The following SETD2 variants were observed in gnomAD, a reference collection of about 807,000 sequenced individuals.
SETD2 encodes histone-lysine N-methyltransferase SETD2.
A neutral mutation model predicts 242.1 loss-of-function variants in SETD2; 31 were observed. That is an observed-to-expected ratio of 0.13 (90% CI 0.10 to 0.17). SETD2 has a LOEUF of 0.17. Ranked by LOEUF, SETD2 falls within the 10% of genes least tolerant of loss-of-function variation. The pLI, the probability that SETD2 is intolerant of heterozygous loss-of-function variation, is 1.00. For missense variants in SETD2, 2,481 were observed against 3,046.3 expected, an observed-to-expected ratio of 0.81 and a Z score of 4.37; for synonymous variants, 1,006 against 1,066.5, an observed-to-expected ratio of 0.94 and a Z score of 1.11.
intron 17 of SETD2, among the ~76,000 whole-genome samples, chr3:47,039,908 G>C (rs992363556): frequency 5.3e-5 from 8 of 151,350 alleles, no homozygotes; most frequent in Non-Finnish European, 7.4e-5. Flanking sequence ...AAAAGTTCTG[G>C]TTAAACCACA....
chr3:47,054,562 A>ACAAAAC (rs1288520572), intron 15 of SETD2, among the ~76,000 whole-genome samples: 1 of 152,210 alleles, frequency 6.6e-6, no homozygotes. Flanking sequence ...TGACAGTAAA[A>ACAAAAC]CAAAACCAAA....
intron 12 of SETD2, among the ~76,000 whole-genome samples, chr3:47,067,483 C>T (rs1010336512): frequency 3.5e-5 from 5 of 142,194 alleles, no homozygotes; most frequent in African/African-American, 1.1e-4. Flanking sequence ...GGCATGATCT[C>T]GGCTCACTGC....
In SETD2 at chr3:47,038,646, T is replaced by A. The variant is rs376450301; in HGVS notation, c.7239-869A>T. ...ACAAACAAAAAAAAAAACAAAAACT[T>A]GTACCCTCTGCTAAAAATATTCCCG... is the stretch of plus-strand genomic sequence containing the variant. On this transcript the variant is annotated intron_variant, in intron 17 of 20. Transcript: ENST00000409792. 5.3e-5 allele frequency among the ~76,000 whole-genome samples: 8 copies of A among 151,896 alleles called. 1 individual carries two copies. Among genetic ancestry groups the A allele is most frequent in the Admixed American group, 5.3e-4 (8 of 15,224 alleles).
chr3:47,070,767 T>A (rs574825504), intron 12 of SETD2, among the ~76,000 whole-genome samples: 2 of 152,342 alleles, frequency 1.3e-5, no homozygotes, highest in Admixed American at 1.3e-4. Flanking sequence ...GATTTCAAAA[T>A]GATAATTATA....
At chr3:47,044,528 A>G (rs1559658510) in intron 16 of SETD2, among the ~76,000 whole-genome samples, 1 of 152,106 alleles carries the variant, frequency 6.6e-6, no homozygotes, top group Admixed American at 6.6e-5. Context: ...CAATTGCTGG[A>G]TTGCTGCAAG....
chr3:47,025,935 A>G (rs2038455811), intron 18 of SETD2, among the ~76,000 whole-genome samples: 1 of 152,258 alleles, frequency 6.6e-6, no homozygotes, highest in Non-Finnish European at 1.5e-5. Flanking sequence ...CAATGGCAAC[A>G]AAAGCCAAAA....
chr3:47,147,251 G>C (rs1422061478), intron 1 of SETD2, among the ~76,000 whole-genome samples: 2 of 151,270 alleles, frequency 1.3e-5, no homozygotes, highest in African/African-American at 4.9e-5. Context: ...GACCTCAGGT[G>C]ATCTGCCCTC....
chr3:47,081,654 G>A (rs1333902412), intron 12 of SETD2, among the ~76,000 whole-genome samples: 1 of 152,104 alleles, frequency 6.6e-6, no homozygotes, highest in East Asian at 1.9e-4. Context: ...ATCTATGTTT[G>A]TCTGGTTTTT....
At chr3:47,098,114 T>C (rs994635176) in intron 8 of SETD2, 33 bp from the exon 9 acceptor site, 1 of 1,612,188 alleles carries the variant, frequency 6.2e-7, no homozygotes, top group Admixed American at 1.7e-5. Context: ...AAGTCAGCTA[T>C]GTGGAAGTAA....
Position 47,104,217 on chromosome 3 carries a change from T to C in SETD2, c.4840-794A>G, listed in dbSNP as rs531374144. On this transcript the variant is annotated intron_variant, in intron 6 of 20. Transcript: ENST00000409792. ...TAAAAATGTAAAGCGATGCAACTCT[T>C]TTCACTAAAAAAAAAAAAAAAATTT... is the stretch of plus-strand genomic sequence containing the variant. Among the ~76,000 whole-genome samples, 5 of 151,698 alleles carry C rather than the reference T, an allele frequency of 3.3e-5. No homozygotes were observed. In the East Asian group the frequency reaches 9.7e-4, roughly 29 times the overall value.
intron 1 of SETD2, among the ~76,000 whole-genome samples, chr3:47,136,629 G>A (rs1314108718): frequency 6.6e-6 from 1 of 152,078 alleles, no homozygotes; most frequent in Non-Finnish European, 1.5e-5. Flanking sequence ...AACACTTGGG[G>A]CTCCAAAAGA....
chr3:47,111,150 A>C (rs867471868), intron 5 of SETD2, among the ~76,000 whole-genome samples: 14 of 150,840 alleles, frequency 9.3e-5, no homozygotes, highest in African/African-American at 3.2e-4. Flanking sequence ...GAATGAAAGA[A>C]GGCATCTTTG....
Position 47,017,597 on chromosome 3 carries a change from C to T in SETD2, c.7533+41G>A, listed in dbSNP as rs898617404. On this transcript the variant is annotated intron_variant, in intron 20 of 20. Coordinates refer to ENST00000409792, the MANE Select transcript of SETD2 (RefSeq NM_014159.7). This position sits in a 1 kb window ranked among gnomAD's most constrained non-coding sequence, Gnocchi z 4.8. ...CTTCTTAGAAGGTACACAGTTTGCCCAGAACATTGCCTGGTGGGCTACCAA... is the reference window on the plus strand; with the variant it reads ...CTTCTTAGAAGGTACACAGTTTGCCTAGAACATTGCCTGGTGGGCTACCAA... 6 of 1,401,190 alleles carry T rather than the reference C, an allele frequency of 4.3e-6. No individual in the cohort carries two copies. The highest frequency in any genetic ancestry group is 5.1e-6 in the Non-Finnish European group (5 of 986,406). The allele number at this position is 1,401,190 out of a possible 1,614,324, so 86.8% of individuals were successfully genotyped here.
chr3:47,158,703 A>G (rs1258917390), intron 1 of SETD2, among the ~76,000 whole-genome samples: 1 of 152,206 alleles, frequency 6.6e-6, no homozygotes, highest in Non-Finnish European at 1.5e-5. Flanking sequence ...GTTTTGAGGG[A>G]GACAAAAGTT....
intron 8 of SETD2, among the ~76,000 whole-genome samples, chr3:47,100,635 G>A (rs1024916880): frequency 1.3e-5 from 2 of 152,106 alleles, no homozygotes; most frequent in African/African-American, 4.8e-5. Context: ...CTTTATTAAT[G>A]CTTCAGTGTT....
At chr3:47,135,819 T>C (rs987377606) in intron 1 of SETD2, among the ~76,000 whole-genome samples, 2 of 152,170 alleles carry the variant, frequency 1.3e-5, no homozygotes, top group African/African-American at 4.8e-5. Context: ...GACTTCCATT[T>C]TCTATTTATT....
chr3:47,040,095 C>T (rs573701675), intron 17 of SETD2, among the ~76,000 whole-genome samples: 2 of 151,950 alleles, frequency 1.3e-5, no homozygotes, highest in East Asian at 2.0e-4. Context: ...TCCCGCCTCT[C>T]GGCTTCCCAA....
chr3:47,064,369 A>C (rs2040470479), intron 13 of SETD2, among the ~76,000 whole-genome samples: 2 of 152,222 alleles, frequency 1.3e-5, no homozygotes, highest in African/African-American at 4.8e-5. Context: ...AATTAAATTA[A>C]GTGCTCCAGT....
At chr3:47,077,541 A>C (rs2041140737) in intron 12 of SETD2, among the ~76,000 whole-genome samples, 2 of 152,210 alleles carry the variant, frequency 1.3e-5, no homozygotes, top group Admixed American at 6.5e-5. Flanking sequence ...AACAGATGGA[A>C]ACAAATGATA....
Sources: gnomAD v4.1 joint callset for allele counts (sites outside exome capture counted in the v4.1 genomes callset) on GRCh38, gnomAD v4.1.1 for gene constraint, Gnocchi (gnomAD v3.1) non-coding constraint, MANE v1.5 for transcripts, NCBI Gene and HGNC (gene_info 2026-07-23, HGNC 2026-07-21) for gene names.